Variants in KRT23 observed in about 807,000 individuals in gnomAD.
The protein encoded by KRT23 is keratin 23.
KRT23 carries 38 observed loss-of-function variants against 47.6 expected under a neutral mutation model. That is an observed-to-expected ratio of 0.80 (90% CI 0.62 to 1.05). The LOEUF is 1.05. Among genes scored for constraint, KRT23 ranks in the 50% least tolerant of loss-of-function variants. The pLI is 0.00. For missense variants in KRT23, 503 were observed against 529.5 expected, an observed-to-expected ratio of 0.95 and a Z score of 0.49; for synonymous variants, 191 against 199.0, an observed-to-expected ratio of 0.96 and a Z score of 0.34.
chr17:40,936,151 G>C (rs1351724196), intron 2 of KRT23, 57 bp downstream of exon 2: 1 of 1,595,404 alleles, frequency 6.3e-7, no homozygotes, highest in Non-Finnish European at 8.6e-7. Context: ...TTTTCCTCCC[G>C]AGGGTCCCCT....
At chr17:40,923,591 G>A (rs1211588080) in intron 8 of KRT23, among the ~76,000 whole-genome samples, 1 of 152,180 alleles carries the variant, frequency 6.6e-6, no homozygotes, top group African/African-American at 2.4e-5. Flanking sequence ...TAGACCATAG[G>A]GAAGAATTGA....
intron 7 of KRT23, chr17:40,925,091 A>G (rs1251016065): frequency 1.2e-5 from 6 of 483,322 alleles, no homozygotes; most frequent in South Asian, 7.5e-5. Flanking sequence ...TGGGAAACAC[A>G]GTGGCCAAAT....
At chr17:40,927,193 T>A (rs893247942) in intron 6 of KRT23, among the ~76,000 whole-genome samples, 1 of 152,168 alleles carries the variant, frequency 6.6e-6, no homozygotes, top group African/African-American at 2.4e-5. Context: ...CCATCTAACA[T>A]ATATTTTGAT....
intron 8 of KRT23, 30 bp from the exon 9 acceptor site, chr17:40,923,113 G>T (rs767359831): frequency 2.0e-6 from 3 of 1,468,382 alleles, no homozygotes; most frequent in Non-Finnish European, 2.9e-6. Flanking sequence ...AGATGTCACT[G>T]CCATGCTTCT....
chr17:40,936,872 G>A lies in KRT23; in HGVS notation c.-269C>T, dbSNP rs76165856. 2.4e-3 allele frequency: 934 copies of A among 385,930 alleles called. 11 individuals carry two copies. The highest frequency in any genetic ancestry group is 0.018 in the African/African-American group (872 of 48,438). 23.9% of individuals were successfully genotyped at this position (385,930 alleles called of 1,614,324 possible). ...TCCTCCCTTCCCCTGGTAACCCGGA[G>A]GTGTGGCCCACGACATCAGGCGGGT... is the stretch of plus-strand genomic sequence containing the variant. On this transcript the variant is annotated 5_prime_UTR_variant, in exon 2 of 9. Coordinates refer to ENST00000209718, the MANE Select transcript of KRT23 (RefSeq NM_015515.5).
In KRT23 at chr17:40,925,334, C is replaced by A. The variant is rs771894404; in HGVS notation, c.1142+20G>T. The A allele has an allele frequency of 1.1e-5, 17 of 1,606,204 alleles. No homozygotes were observed. The Middle Eastern group carries it at 1.5e-3, about 140-fold the overall frequency. ...CTGGAGGTCCCTCGCATGCTCCTCT[C>A]GTGCCAGCCTTTGCCTTACCCTTCA... is the stretch of plus-strand genomic sequence containing the variant. On this transcript the variant is annotated intron_variant, in intron 7 of 8. Coordinates refer to ENST00000209718, the MANE Select transcript of KRT23 (RefSeq NM_015515.5).
Position 40,937,400 on chromosome 17 carries a change from G to A in KRT23, c.-405C>T, listed in dbSNP as rs1447370945. 6.6e-6 allele frequency: 1 copy of A among 152,294 alleles called. No individual in the cohort carries two copies. Among genetic ancestry groups the A allele is most frequent in the Non-Finnish European group, 1.5e-5 (1 of 68,126 alleles). 9.4% of individuals were successfully genotyped at this position (152,294 alleles called of 1,614,324 possible). Reference sequence around the variant, plus strand: ...GCACACCTCAAAACCAAACAACCCTGGCCTGCGCTCAGGATTTCCCTTGGC... The same window carrying A: ...GCACACCTCAAAACCAAACAACCCTAGCCTGCGCTCAGGATTTCCCTTGGC... On this transcript the variant is annotated 5_prime_UTR_variant, in exon 1 of 9. Coordinates refer to ENST00000209718, the MANE Select transcript of KRT23 (RefSeq NM_015515.5).
Position 40,924,515 on chromosome 17 carries a change from A to T in KRT23, c.1143-12T>A. ...ATTCTTCCCGTGTCCTATAAAAGTG[A>T]TAAAGGTTAAAGCTCACTTTAGTAT... On this transcript the variant is annotated splice_polypyrimidine_tract_variant and intron_variant, in intron 7 of 8. Transcript: ENST00000209718. 2 of 1,611,440 alleles carry T rather than the reference A, an allele frequency of 1.2e-6. No individual in the cohort carries two copies. Among genetic ancestry groups the T allele is most frequent in the Non-Finnish European group, 8.5e-7 (1 of 1,177,746 alleles).
chr17:40,928,813 A>T, intron 4 of KRT23: 1 of 524,148 alleles, frequency 1.9e-6, no homozygotes, highest in Non-Finnish European at 3.3e-6. Context: ...TATAAAATAA[A>T]GAATATCTTT....
intron 3 of KRT23, among the ~76,000 whole-genome samples, chr17:40,931,012 CTTTTTTTTT>C (rs1165590099): frequency 8.3e-6 from 1 of 120,828 alleles, no homozygotes; most frequent in Non-Finnish European, 1.6e-5. Context: ...ATGAGTTTTC[CTTTTTTTTT>C]TTTTTTTTGA....
At chr17:40,928,691 A>T in intron 4 of KRT23, 84 bp from the exon 5 acceptor site, 1 of 1,285,486 alleles carries the variant, frequency 7.8e-7, no homozygotes, top group South Asian at 1.4e-5. Context: ...TGGTAAATAG[A>T]TCTTTTAAAC....
chr17:40,923,865 C>G (rs731056), intron 8 of KRT23, among the ~76,000 whole-genome samples: 70,708 of 152,058 alleles, frequency 0.47, 17,026 homozygotes, highest in East Asian at 0.71. Context: ...CAGTCTCCTG[C>G]AACTTTTCTG....
rs190328415 is a variant in KRT23 at position 40,925,335 on chromosome 17, G to A, written c.1142+19C>T. 224 of 1,606,298 alleles carry A rather than the reference G, an allele frequency of 1.4e-4. No homozygotes were observed. The African/African-American group carries it at 2.4e-3, about 17-fold the overall frequency. On this transcript the variant is annotated intron_variant, in intron 7 of 8. Transcript: ENST00000209718. The stretch of plus-strand genomic sequence containing the variant: ...TGGAGGTCCCTCGCATGCTCCTCTC[G>A]TGCCAGCCTTTGCCTTACCCTTCAC...
Position 40,923,111 on chromosome 17 carries a change from C to G in KRT23, c.1175-28G>C, listed in dbSNP as rs367770118. 4 of 1,504,040 alleles carry G rather than the reference C, an allele frequency of 2.7e-6. No homozygotes were observed. In the African/African-American group the frequency reaches 4.1e-5, roughly 15 times the overall value. 93.2% of individuals were successfully genotyped at this position (1,504,040 alleles called of 1,614,324 possible). A position where few individuals can be genotyped will look rare whatever the true frequency, so the allele number is the denominator to read the frequency against. ...GAGAAAAAGAGCATGGAAGATGTCA[C>G]TGCCATGCTTCTTCCACCATCTGAA... is the stretch of plus-strand genomic sequence containing the variant. On this transcript the variant is annotated intron_variant, in intron 8 of 8. Transcript: ENST00000209718.
rs200635872 is a variant in KRT23, at chr17:40,936,437, C to T, written c.167G>A (p.Gly56Glu). ...GCTTCTTCCAGAACCCCAAGACCCT[C>T]CAGGGGGTGGGCAGCTCCGCGTGGT... is the stretch of plus-strand genomic sequence containing the variant. ...SFTTRSCPPP[G>E]GSWGSGRSSP... Residue 56 changes from glycine (G) to glutamate (E), a missense_variant, in exon 2 of 9, where the codon GGA becomes GAA. Transcript: ENST00000209718. 271 of 1,611,152 alleles carry T rather than the reference C, an allele frequency of 1.7e-4. No individual in the cohort carries two copies. The highest frequency in any genetic ancestry group is 2.2e-4 in the Non-Finnish European group (257 of 1,178,128).
rs1909548565 is a variant in KRT23, at chr17:40,930,114, A to G, written c.480-18T>C. The stretch of plus-strand genomic sequence containing the variant: ...TTTCATACCTTTGGTGAGAAGGAAG[A>G]GAAGAGTGCACTCATTGTTGGAAGG... On this transcript the variant is annotated intron_variant, in intron 3 of 8. Coordinates refer to ENST00000209718, the MANE Select transcript of KRT23 (RefSeq NM_015515.5). The G allele has an allele frequency of 6.2e-7, 1 of 1,611,360 alleles. No homozygotes were observed. Among genetic ancestry groups the G allele is most frequent in the African/African-American group, 1.3e-5 (1 of 74,816 alleles).
chr17:40,929,273 G>A (rs1909471620), intron 4 of KRT23, among the ~76,000 whole-genome samples: 1 of 152,138 alleles, frequency 6.6e-6, no homozygotes, highest in Admixed American at 6.5e-5. Context: ...AAGGTGTAGA[G>A]GCTTTCAAAA....
chr17:40,937,463 A>AC lies in KRT23; in HGVS notation c.-469dup, dbSNP rs1166763482. 1.3e-5 allele frequency: 2 copies of AC among 152,086 alleles called. No individual in the cohort carries two copies. The highest frequency in any genetic ancestry group is 1.3e-4 in the Admixed American group (2 of 15,252). The allele number at this position is 152,086 out of a possible 1,614,324, so 9.4% of individuals were successfully genotyped here. A position where few individuals can be genotyped will look rare whatever the true frequency, so the allele number is the denominator to read the frequency against. ...ATGTAGCCGTTGTTAGCAGCCCCGG[A>AC]CCCCGGCTGAGCCTGCCACGGCTGG... On this transcript the variant is annotated 5_prime_UTR_variant, in exon 1 of 9. It removes the in-frame stop codon of an upstream open reading frame in the 5' UTR. Transcript: ENST00000209718.
In KRT23 at chr17:40,925,416, G is replaced by T. The variant is rs780907320; in HGVS notation, c.1080C>A (p.Ile360=). ...TGATTTCCTTCTCCAGGTGGGTTTTGATGCCCAGCAGCACTTGGTATTCAT... is the reference window on the plus strand; with the variant it reads ...TGATTTCCTTCTCCAGGTGGGTTTTTATGCCCAGCAGCACTTGGTATTCAT... ...QNNEYQVLLG[I]KTHLEKEITT... Residue 360 remains isoleucine, a synonymous_variant, in exon 7 of 9, where the codon ATC becomes ATA. Coordinates refer to ENST00000209718, the MANE Select transcript of KRT23 (RefSeq NM_015515.5). 1.2e-6 allele frequency: 2 copies of T among 1,614,038 alleles called. No individual in the cohort carries two copies. The highest frequency in any genetic ancestry group is 2.7e-5 in the African/African-American group (2 of 75,020).
Sources: gnomAD v4.1 joint callset for allele counts (sites outside exome capture counted in the v4.1 genomes callset) on GRCh38, gnomAD v4.1.1 for gene constraint, MANE v1.5 for transcripts, NCBI Gene and HGNC (gene_info 2026-07-23, HGNC 2026-07-21) for gene names.